EYA3: variants seen among roughly 807,000 people sequenced by gnomAD.
EYA3 encodes protein phosphatase EYA3.
A neutral mutation model predicts 80.0 loss-of-function variants in EYA3; 39 were observed. That is an observed-to-expected ratio of 0.49 (90% confidence interval 0.38 to 0.64). The LOEUF (loss-of-function observed/expected upper bound fraction) is 0.64. Among genes scored for constraint, EYA3 ranks in the 30% least tolerant of loss-of-function variants. The pLI, the probability that EYA3 is intolerant of heterozygous loss-of-function variation, is 0.00. For synonymous variants in EYA3, 206 were observed against 232.8 expected, an observed-to-expected ratio of 0.88 and a Z score of 1.05; for missense variants, 523 against 676.1, an observed-to-expected ratio of 0.77 and a Z score of 2.51.
intron 15 of EYA3, 24 bp downstream of exon 15, chr1:27,989,673 G>T (rs753014743): frequency 1.4e-6 from 2 of 1,448,050 alleles, no homozygotes; most frequent in South Asian, 1.2e-5. Context: ...GAGAGGATGA[G>T]ACCTAAAAGA....
At chr1:27,986,720 C>T (rs1013769315) in intron 16 of EYA3, among the ~76,000 whole-genome samples, 8 of 140,612 alleles carry the variant, frequency 5.7e-5, no homozygotes, top group South Asian at 2.3e-4. Flanking sequence ...ATTATTATTT[C>T]GAGATGGAGT....
chr1:28,074,645 A>G (rs746025597), intron 1 of EYA3, among the ~76,000 whole-genome samples: 1 of 152,070 alleles, frequency 6.6e-6, no homozygotes, highest in Non-Finnish European at 1.5e-5. Flanking sequence ...TGGCTGATTT[A>G]AAGTCTTTGC....
intron 14 of EYA3, 87 bp downstream of exon 14, chr1:27,993,313 G>T: frequency 7.4e-7 from 1 of 1,358,510 alleles, no homozygotes; most frequent in Non-Finnish European, 1.0e-6. Context: ...ATAAGCAGTT[G>T]TCATGGGGAA....
At chr1:28,076,982 C>A (rs1645237493) in intron 1 of EYA3, among the ~76,000 whole-genome samples, 2 of 151,298 alleles carry the variant, frequency 1.3e-5, no homozygotes. Context: ...CTCAGGTGAT[C>A]CACCCGCCTC....
At chr1:27,993,659 C>A in intron 13 of EYA3, 99 bp from the exon 14 acceptor site, 1 of 993,148 alleles carries the variant, frequency 1.0e-6, no homozygotes, top group Non-Finnish European at 1.4e-6. Flanking sequence ...TAAATAAGGC[C>A]AATGGCTTTA....
Position 27,970,887 on chromosome 1 carries a change from C to T in EYA3, c.*3579G>A, listed in dbSNP as rs1034438964. On this transcript the variant is annotated 3_prime_UTR_variant, in exon 18 of 18. Coordinates refer to ENST00000373871, the MANE Select transcript of EYA3 (RefSeq NM_001990.4). ...CAGACCATTGCTCTACCCCATACTC[C>T]TCTCCCCTGTGGTTCAGTGACACTG... 1 of 152,226 alleles carries T rather than the reference C, an allele frequency of 6.6e-6. No individual in the cohort carries two copies. Among genetic ancestry groups the T allele is most frequent in the Non-Finnish European group, 1.5e-5 (1 of 68,068 alleles). The allele number at this position is 152,226 out of a possible 1,614,324, so 9.4% of individuals were successfully genotyped here.
At chr1:28,034,817 T>C (rs1643356980) in intron 6 of EYA3, among the ~76,000 whole-genome samples, 1 of 152,162 alleles carries the variant, frequency 6.6e-6, no homozygotes, top group Non-Finnish European at 1.5e-5. Flanking sequence ...ATATTACATA[T>C]TTTTAAATAA....
chr1:27,999,997 T>TA lies in EYA3; in HGVS notation c.1045_1046insT (p.Glu349ValfsTer4). The TA allele has an allele frequency of 6.2e-7, 1 of 1,611,494 alleles. No homozygotes were observed. The highest frequency in any genetic ancestry group is 8.5e-7 in the Non-Finnish European group (1 of 1,178,848). On this transcript the variant is annotated frameshift_variant, in exon 12 of 18. Transcript: ENST00000373871. LOFTEE classifies it high-confidence loss of function. Reference sequence around the variant, plus strand: ...GAAAAATAGATGAGTATCAGCCACTTCAAAAATCATTTCTTCCATTGTTAA... The same window carrying TA: ...GAAAAATAGATGAGTATCAGCCACTTACAAAAATCATTTCTTCCATTGTTAA...
chr1:28,017,533 AG>A, intron 7 of EYA3, among the ~76,000 whole-genome samples: 1 of 152,346 alleles, frequency 6.6e-6, no homozygotes, highest in East Asian at 1.9e-4. Flanking sequence ...ATGAAATCAC[AG>A]CTAAATCCAA....
intron 4 of EYA3, among the ~76,000 whole-genome samples, chr1:28,039,960 A>G (rs1294515491): frequency 6.6e-6 from 1 of 152,204 alleles, no homozygotes; most frequent in Non-Finnish European, 1.5e-5. Context: ...GTTGACACAT[A>G]TATTAAAAAA....
chr1:28,078,630 C>A (rs1176028131), intron 1 of EYA3, among the ~76,000 whole-genome samples: 1 of 152,188 alleles, frequency 6.6e-6, no homozygotes, highest in Non-Finnish European at 1.5e-5. Flanking sequence ...ACTGCAACCT[C>A]CACCTCCCAG....
intron 16 of EYA3, among the ~76,000 whole-genome samples, chr1:27,982,601 C>CT (rs112969848): frequency 3.9e-4 from 58 of 150,388 alleles, no homozygotes; most frequent in Non-Finnish European, 6.2e-4. Flanking sequence ...ATCAGTTTTT[C>CT]TTTTTTTTTG....
intron 3 of EYA3, among the ~76,000 whole-genome samples, chr1:28,043,112 G>A (rs1643874591): frequency 6.6e-6 from 1 of 152,006 alleles, no homozygotes; most frequent in African/African-American, 2.4e-5. Context: ...CAAAGTGCTG[G>A]GATTACAGGT....
At chr1:28,042,761 A>T in intron 3 of EYA3, 111 bp from the exon 4 acceptor site, 1 of 812,740 alleles carries the variant, frequency 1.2e-6, no homozygotes, top group Non-Finnish European at 2.1e-6. Flanking sequence ...AGGCAAAGTA[A>T]ATCTTCGTGA....
chr1:27,978,396 T>C lies in EYA3; in HGVS notation c.1619A>G (p.Asp540Gly). ...VTYVVIGDGR[D>G]EEIAAKQHNM... ...TACCTGTTTGGCTGCAATTTCTTCA[T>C]CTCGTCCATCTCCAATCACTACATA... Residue 540 changes from aspartate (D) to glycine (G), a missense_variant, in exon 17 of 18, where the codon GAT (aspartate) becomes GGT (glycine). By Grantham distance (94) the Asp-to-Gly change is moderately conservative (BLOSUM62 -1). This residue lies in a region of EYA3 where 219 missense variants were observed against 332.8 expected (regional missense o/e 0.66). Coordinates refer to ENST00000373871, the MANE Select transcript of EYA3 (RefSeq NM_001990.4). 6.2e-7 allele frequency: 1 copy of C among 1,614,074 alleles called. No individual in the cohort carries two copies. Among genetic ancestry groups the C allele is most frequent in the South Asian group, 1.1e-5 (1 of 91,082 alleles).
At chr1:28,082,403 T>C (rs1037004907) in intron 1 of EYA3, among the ~76,000 whole-genome samples, 5 of 152,156 alleles carry the variant, frequency 3.3e-5, no homozygotes, top group Admixed American at 6.5e-5. Flanking sequence ...AAAAGAATCA[T>C]CTTAATATGA....
intron 2 of EYA3, among the ~76,000 whole-genome samples, chr1:28,048,684 T>A (rs1164726917): frequency 1.3e-5 from 2 of 152,202 alleles, no homozygotes; most frequent in Admixed American, 6.5e-5. Context: ...GTAGACAGAA[T>A]GTTTACTAGG....
At chr1:27,978,989 C>T (rs1639133407) in intron 16 of EYA3, among the ~76,000 whole-genome samples, 1 of 152,110 alleles carries the variant, frequency 6.6e-6, no homozygotes. Flanking sequence ...AACCCAAAAA[C>T]TTATTTTAAC....
rs576447269 is a variant in EYA3, at chr1:28,085,638, T to C, written c.-69+2886A>G. 4.6e-5 allele frequency among the ~76,000 whole-genome samples: 7 copies of C among 152,310 alleles called. No homozygotes were observed. In the South Asian group the frequency reaches 1.0e-3, roughly 23 times the overall value. ...AAACTTGGTAAGCCTAAAACTAATA[T>C]GCAGAAACATATTTTAAATTGAGCC... is the stretch of plus-strand genomic sequence containing the variant. On this transcript the variant is annotated intron_variant, in intron 1 of 17. Transcript: ENST00000373871.
Sources: gnomAD v4.1 joint callset for allele counts (sites outside exome capture counted in the v4.1 genomes callset) on GRCh38, gnomAD v4.1.1 for gene constraint, gnomAD v4.1.1 regional missense constraint, MANE v1.5 for transcripts, NCBI Gene and HGNC (gene_info 2026-07-23, HGNC 2026-07-21) for gene names.